The following COLEC12 variants were observed in gnomAD, a reference collection of about 807,000 sequenced individuals.
COLEC12 encodes collectin subfamily member 12.
A neutral mutation model predicts 71.1 loss-of-function variants in COLEC12; 33 were observed. The ratio of observed to expected loss-of-function variants is 0.46; its 90% CI spans 0.35 to 0.62. The LOEUF (loss-of-function observed/expected upper bound fraction) is 0.62, where lower values mean the gene tolerates loss of function less well. COLEC12 is among the 20% of genes least tolerant of loss of function. The probability of loss-of-function intolerance (pLI) is 0.00; values close to 1 mark genes in which losing one functional copy is unlikely to be tolerated. For missense variants in COLEC12, 765 were observed against 916.1 expected (o/e 0.84, Z 2.13); for synonymous variants, 350 against 353.0 (o/e 0.99, Z 0.10).
intron 2 of COLEC12, among the ~76,000 whole-genome samples, chr18:456,689 ATTTCCAGAAGGCGT>A (rs1337371363): frequency 2.0e-5 from 3 of 152,204 alleles, no homozygotes; most frequent in African/African-American, 7.2e-5. Context: ...AACCTGTAAG[ATTTCCAGAAGGCGT>A]ATTTTCTTCT....
chr18:407,560 C>G (rs900347967), intron 2 of COLEC12, among the ~76,000 whole-genome samples: 1 of 152,182 alleles, frequency 6.6e-6, no homozygotes, highest in African/African-American at 2.4e-5. Context: ...AGGAAGAGTT[C>G]CCTTTTATTC....
At chr18:481,943 G>C (rs1917425863) in intron 1 of COLEC12, among the ~76,000 whole-genome samples, 1 of 151,884 alleles carries the variant, frequency 6.6e-6, no homozygotes, top group South Asian at 2.1e-4. Context: ...AGGTTCCGGG[G>C]GTACATGTGC....
At chr18:454,282 T>C (rs1916820737) in intron 2 of COLEC12, among the ~76,000 whole-genome samples, 1 of 152,220 alleles carries the variant, frequency 6.6e-6, no homozygotes, top group African/African-American at 2.4e-5. Context: ...CCACACACCA[T>C]GAGGCTACGA....
intron 2 of COLEC12, among the ~76,000 whole-genome samples, chr18:404,481 A>G (rs1329203638): frequency 6.6e-6 from 1 of 152,180 alleles, no homozygotes; most frequent in Non-Finnish European, 1.5e-5. Context: ...ATAAAGCAAA[A>G]TATTCAAAAG....
Position 442,002 on chromosome 18 carries a change from T to TACACACACACAC in COLEC12, c.58+38693_58+38704dup, listed in dbSNP as rs56024245. On this transcript the variant is annotated intron_variant, in intron 2 of 9. Transcript: ENST00000400256. ...GTGACAGAGTGAGACTCTCTCTCTCTACACACACACACACACACACACACA... is the reference window on the plus strand; with the variant it reads ...GTGACAGAGTGAGACTCTCTCTCTCTACACACACACACACACACACACACACACACACACACA... Among the ~76,000 whole-genome samples, 734 of 120,754 alleles carry TACACACACACAC rather than the reference T, an allele frequency of 6.1e-3. 2 individuals carry two copies. Among genetic ancestry groups the TACACACACACAC allele is most frequent in the Middle Eastern group, 0.012 (3 of 258 alleles). The allele number at this position is 120,754 out of a possible 152,430, so 79.2% of individuals were successfully genotyped here.
At chr18:487,632 T>G (rs891915041) in intron 1 of COLEC12, among the ~76,000 whole-genome samples, 1 of 152,146 alleles carries the variant, frequency 6.6e-6, no homozygotes, top group African/African-American at 2.4e-5. Context: ...GGAACTGTAA[T>G]GAAATCAGGG....
At chr18:320,848 T>C (rs925649726) in intron 9 of COLEC12, among the ~76,000 whole-genome samples, 1 of 152,070 alleles carries the variant, frequency 6.6e-6, no homozygotes, top group African/African-American at 2.4e-5. Flanking sequence ...AAATGAAGCT[T>C]TAGATACATA....
At chr18:348,517 G>A (rs889795739) in intron 3 of COLEC12, among the ~76,000 whole-genome samples, 6 of 152,108 alleles carry the variant, frequency 3.9e-5, no homozygotes, top group Admixed American at 1.3e-4. Context: ...TGAAGGCAAG[G>A]CACACTGTGA....
At chr18:440,444 T>C (rs1916496333) in intron 2 of COLEC12, among the ~76,000 whole-genome samples, 1 of 152,186 alleles carries the variant, frequency 6.6e-6, no homozygotes, top group Admixed American at 6.5e-5. Context: ...TTAATATTTA[T>C]GGTAACCATT....
At chr18:456,388 G>A (rs1038228543) in intron 2 of COLEC12, among the ~76,000 whole-genome samples, 1 of 152,166 alleles carries the variant, frequency 6.6e-6, no homozygotes, top group Non-Finnish European at 1.5e-5. Flanking sequence ...ATCATGTGCC[G>A]TGAGCAACTT....
At chr18:440,504 TTTTA>T (rs1341007723) in intron 2 of COLEC12, among the ~76,000 whole-genome samples, 1 of 152,164 alleles carries the variant, frequency 6.6e-6, no homozygotes, top group African/African-American at 2.4e-5. Context: ...ATATGTACAA[TTTTA>T]TTTGTGAATT....
At chr18:331,521 A>C in intron 8 of COLEC12, 147 bp downstream of exon 8, 1 of 555,902 alleles carries the variant, frequency 1.8e-6, no homozygotes, top group Non-Finnish European at 3.2e-6. Flanking sequence ...CCCCAGGGGA[A>C]ATATGCAACT....
intron 2 of COLEC12, among the ~76,000 whole-genome samples, chr18:461,371 T>C (rs1190009379): frequency 1.3e-5 from 2 of 152,180 alleles, no homozygotes; most frequent in Non-Finnish European, 2.9e-5. Flanking sequence ...GGTTTTCTTT[T>C]TTAAAATTTA....
intron 2 of COLEC12, among the ~76,000 whole-genome samples, chr18:397,567 T>A (rs570639029): frequency 7.2e-5 from 11 of 152,320 alleles, no homozygotes; most frequent in Middle Eastern, 3.4e-3. Flanking sequence ...TGTAATGGTG[T>A]CTGGCAAAGA....
At chr18:386,041 C>T (rs1459485340) in intron 2 of COLEC12, among the ~76,000 whole-genome samples, 1 of 152,072 alleles carries the variant, frequency 6.6e-6, no homozygotes, top group Non-Finnish European at 1.5e-5. Flanking sequence ...GCTGGGGATA[C>T]AGTAGGGGTG....
chr18:321,758 CT>C lies in COLEC12; in HGVS notation c.2112del (p.Gly705GlufsTer7), dbSNP rs1277228801. The C allele has an allele frequency of 6.2e-7, 1 of 1,614,254 alleles. No homozygotes were observed. On this transcript the variant is annotated frameshift_variant, in exon 9 of 10. Transcript: ENST00000400256. LOFTEE classifies it high-confidence loss of function. The stretch of plus-strand genomic sequence containing the variant: ...TAAATCAACCCAGCACAGTCTTCTC[CT>C]GGCCCATGGCCATGACCCCAGTTAT... The part of the protein sequence containing the change: ...QPDNWGHGHG[P>X]GEDCAGLIYA...
chr18:365,535 C>T (rs1324380894), intron 2 of COLEC12, among the ~76,000 whole-genome samples: 12 of 152,130 alleles, frequency 7.9e-5, no homozygotes, highest in African/African-American at 2.2e-4. Context: ...AAAAGCCAGT[C>T]TTCAATGGCT....
At chr18:379,865 G>A (rs995144895) in intron 2 of COLEC12, among the ~76,000 whole-genome samples, 1 of 152,136 alleles carries the variant, frequency 6.6e-6, no homozygotes, top group African/African-American at 2.4e-5. Flanking sequence ...AAGCCATCTG[G>A]TAGCTTTGCT....
intron 2 of COLEC12, among the ~76,000 whole-genome samples, chr18:374,844 A>G (rs1361647033): frequency 6.6e-6 from 1 of 152,220 alleles, no homozygotes; most frequent in Non-Finnish European, 1.5e-5. Flanking sequence ...CTGTCTATGT[A>G]GCCAGTTAAG....
Sources: gnomAD v4.1 joint callset for allele counts (sites outside exome capture counted in the v4.1 genomes callset) on GRCh38, gnomAD v4.1.1 for gene constraint, MANE v1.5 for transcripts, NCBI Gene and HGNC (gene_info 2026-07-23, HGNC 2026-07-21) for gene names.